RPIA: variants seen among roughly 807,000 people sequenced by gnomAD.
The protein encoded by RPIA is ribose-5-phosphate isomerase.
RPIA carries 29 observed loss-of-function variants against 37.8 expected under a neutral mutation model. That is an observed-to-expected ratio of 0.77 (90% CI 0.57 to 1.05). RPIA has a LOEUF of 1.05. RPIA is among the 50% of genes least tolerant of loss of function. The pLI is 0.00. For synonymous variants in RPIA, 167 were observed against 157.0 expected (o/e 1.06, Z -0.48); for missense variants, 385 against 413.6 (o/e 0.93, Z 0.60).
Position 88,698,472 on chromosome 2 carries a change from G to GT in RPIA, c.286-6dup, listed in dbSNP as rs770217879. ...TAATAAGTTTTGTTTTTTCTTCCCC[G>GT]TTTTTTGGCAGAATAACCAAGTGCT... On this transcript the variant is annotated splice_polypyrimidine_tract_variant and intron_variant, in intron 1 of 8. Coordinates refer to ENST00000283646, the MANE Select transcript of RPIA (RefSeq NM_144563.3). 1.1e-5 allele frequency: 18 copies of GT among 1,613,670 alleles called. No individual in the cohort carries two copies. Among genetic ancestry groups the GT allele is most frequent in the Admixed American group, 3.3e-5 (2 of 60,010 alleles).
In RPIA at chr2:88,691,890, C is replaced by T. The variant is rs547258934; in HGVS notation, c.192C>T (p.Asp64=). The T allele has an allele frequency of 1.3e-5, 20 of 1,596,770 alleles. No homozygotes were observed. The East Asian group carries it at 4.5e-4, about 36-fold the overall frequency. ...GCAACACAAGCACCAGCTGCGGGGA[C>T]TCCAACAGCATCTGCCCGGCCCCCT... ...GAGNTSTSCG[D]SNSICPAPST... The change falls in exon 1 of 9, where the codon GAC becomes GAT. Residue 64 remains aspartate, a synonymous_variant. Transcript: ENST00000283646.
chr2:88,691,976 A>C lies in RPIA; in HGVS notation c.278A>C (p.His93Pro). The part of the protein sequence containing the change: ...KLAGRAAVEN[H>P]VRNNQVLGIG... ...GCGGGCCGCGCGGCTGTGGAGAACC[A>C]CGTGAGGGTGAGCACTTCGAAACGT... Residue 93 changes from histidine to proline, a missense_variant, in exon 1 of 9, where the codon CAC becomes CCC. Transcript: ENST00000283646. 6.3e-7 allele frequency: 1 copy of C among 1,587,704 alleles called. No individual in the cohort carries two copies. Among genetic ancestry groups the C allele is most frequent in the South Asian group, 1.1e-5 (1 of 87,412 alleles).
chr2:88,718,861 T>G (rs1258170824), intron 3 of RPIA, among the ~76,000 whole-genome samples: 1 of 152,164 alleles, frequency 6.6e-6, no homozygotes, highest in Non-Finnish European at 1.5e-5. Flanking sequence ...CTTTACTAAA[T>G]TGTTAAAAGC....
At chr2:88,743,125 G>T (rs1453854253) in intron 8 of RPIA, among the ~76,000 whole-genome samples, 1 of 152,040 alleles carries the variant, frequency 6.6e-6, no homozygotes, top group African/African-American at 2.4e-5. Context: ...CAGTTCTCAG[G>T]GGGAATGCTT....
chr2:88,733,637 G>C (rs1310686483), intron 4 of RPIA, among the ~76,000 whole-genome samples: 1 of 152,176 alleles, frequency 6.6e-6, no homozygotes, highest in African/African-American at 2.4e-5. Context: ...ACAAAGGCTG[G>C]AATCTGTAAA....
At chr2:88,739,665 T>C (rs1293180261) in intron 8 of RPIA, among the ~76,000 whole-genome samples, 3 of 152,096 alleles carry the variant, frequency 2.0e-5, no homozygotes, top group African/African-American at 4.8e-5. Context: ...TCACCCAGAG[T>C]GGAGTGTAGT....
intron 3 of RPIA, among the ~76,000 whole-genome samples, chr2:88,714,624 C>T (rs1363271945): frequency 6.6e-6 from 1 of 152,162 alleles, no homozygotes; most frequent in Non-Finnish European, 1.5e-5. Flanking sequence ...AAGGCTGCCC[C>T]ATTTCTTTTT....
chr2:88,736,463 C>T, intron 6 of RPIA, 72 bp from the exon 7 acceptor site: 10 of 1,544,294 alleles, frequency 6.5e-6, no homozygotes, highest in Non-Finnish European at 8.9e-6. Flanking sequence ...TAACCCTGTT[C>T]CTGAATTTGG....
chr2:88,702,714 C>G (rs1672846833), intron 3 of RPIA, among the ~76,000 whole-genome samples: 1 of 152,204 alleles, frequency 6.6e-6, no homozygotes, highest in African/African-American at 2.4e-5. Context: ...AGCCTGCAGC[C>G]AGCTCTGGAG....
intron 1 of RPIA, among the ~76,000 whole-genome samples, chr2:88,695,895 T>A (rs749223946): frequency 6.6e-6 from 1 of 152,202 alleles, no homozygotes; most frequent in Non-Finnish European, 1.5e-5. Context: ...ATTTTTAGTA[T>A]ATATGTATAT....
At chr2:88,704,657 G>A (rs1273884535) in intron 3 of RPIA, among the ~76,000 whole-genome samples, 2 of 152,110 alleles carry the variant, frequency 1.3e-5, no homozygotes, top group Non-Finnish European at 2.9e-5. Context: ...ATTGAGCAGG[G>A]TATAGAAATT....
intron 4 of RPIA, among the ~76,000 whole-genome samples, chr2:88,732,728 TAAAA>T (rs75685116): frequency 1.5e-3 from 3 of 1,998 alleles, no homozygotes; most frequent in Non-Finnish European, 2.4e-3. Flanking sequence ...TAGAGTATAA[TAAAA>T]AAAAAAAAAA....
chr2:88,738,138 A>C (rs1174362720), intron 8 of RPIA, 62 bp downstream of exon 8: 2 of 1,179,574 alleles, frequency 1.7e-6, no homozygotes, highest in East Asian at 2.4e-5. Context: ...TGGCCCCTAC[A>C]TCTGGCCACA....
At chr2:88,749,261 G>A (rs547163448) in intron 8 of RPIA, among the ~76,000 whole-genome samples, 2 of 152,286 alleles carry the variant, frequency 1.3e-5, no homozygotes, top group East Asian at 1.9e-4. Context: ...GCGTATGAGT[G>A]TCTTTGCATC....
chr2:88,699,874 G>T, intron 2 of RPIA, 135 bp from the exon 3 acceptor site: 1 of 865,518 alleles, frequency 1.2e-6, no homozygotes, highest in Non-Finnish European at 1.9e-6. Context: ...CACCAAGGAG[G>T]GGGACACAGG....
chr2:88,709,695 T>C (rs1672939180), intron 3 of RPIA, among the ~76,000 whole-genome samples: 1 of 152,202 alleles, frequency 6.6e-6, no homozygotes, highest in Non-Finnish European at 1.5e-5. Context: ...TGCTTTTTCT[T>C]CTCTGAACCC....
intron 8 of RPIA, among the ~76,000 whole-genome samples, chr2:88,744,192 G>A (rs1275382964): frequency 6.6e-6 from 1 of 152,136 alleles, no homozygotes; most frequent in Admixed American, 6.5e-5. Context: ...CAGAGGTTTT[G>A]ATAGGTTGTA....
chr2:88,700,925 T>A (rs1672822799), intron 3 of RPIA, among the ~76,000 whole-genome samples: 1 of 152,052 alleles, frequency 6.6e-6, no homozygotes. Flanking sequence ...GGAGATGAGA[T>A]TTATGAGTGA....
At chr2:88,749,146 T>G (rs779440706) in intron 8 of RPIA, among the ~76,000 whole-genome samples, 2 of 152,194 alleles carry the variant, frequency 1.3e-5, no homozygotes, top group African/African-American at 2.4e-5. Flanking sequence ...TGCCTAACAG[T>G]TGTATATCTA....
Sources: allele counts gnomAD v4.1 joint callset (sites outside exome capture counted in the v4.1 genomes callset), GRCh38; gene constraint gnomAD v4.1.1; transcripts MANE v1.5; gene names NCBI Gene and HGNC (gene_info 2026-07-23, HGNC 2026-07-21).